Variants in AK5 observed in about 807,000 individuals in gnomAD.
AK5 encodes the protein adenylate kinase isoenzyme 5.
AK5 carries 27 observed loss-of-function variants against 69.5 expected under a neutral mutation model. That is an observed-to-expected ratio of 0.39 (90% CI 0.29 to 0.54). The LOEUF is 0.54. Among genes scored for constraint, AK5 ranks in the 20% least tolerant of loss-of-function variants. AK5 has a pLI of 0.71. For synonymous variants in AK5, 260 were observed against 244.4 expected, an observed-to-expected ratio of 1.06 and a Z score of -0.60; for missense variants, 531 against 700.4, an observed-to-expected ratio of 0.76 and a Z score of 2.73.
intron 1 of AK5, chr1:77,283,751 T>G (rs996328812): frequency 2.3e-5 from 11 of 480,678 alleles, no homozygotes; most frequent in African/African-American, 8.5e-5. Flanking sequence ...TTGTTTTTTT[T>G]GTTTGTTTTT....
At chr1:77,545,121 C>G (rs921558770) in intron 13 of AK5, among the ~76,000 whole-genome samples, 1 of 152,200 alleles carries the variant, frequency 6.6e-6, no homozygotes, top group Non-Finnish European at 1.5e-5. Flanking sequence ...TATATACCCA[C>G]ACGCCCGCAA....
Position 77,340,449 on chromosome 1 carries a change from G to A in AK5, c.772G>A (p.Ala258Thr), listed in dbSNP as rs984087285. The A allele has an allele frequency of 6.2e-7, 1 of 1,614,100 alleles. No individual in the cohort carries two copies. The highest frequency in any genetic ancestry group is 8.5e-7 in the Non-Finnish European group (1 of 1,179,976). ...QRLKERLLKR[A>T]EQQGRPDDNV... ...ACTCAAAGAAAGATTACTGAAGCGT[G>A]CAGAACAGCAGGGCCGACCAGACGA... Residue 258 changes from alanine to threonine, a missense_variant, in exon 6 of 14, where the codon GCA becomes ACA. Transcript: ENST00000354567.
chr1:77,463,085 A>G (rs1304999295), intron 8 of AK5, among the ~76,000 whole-genome samples: 1 of 152,252 alleles, frequency 6.6e-6, no homozygotes, highest in East Asian at 1.9e-4. Context: ...TTAATGAACC[A>G]TTACAAATAA....
chr1:77,397,137 C>A (rs1047494563), intron 6 of AK5, among the ~76,000 whole-genome samples: 1 of 152,176 alleles, frequency 6.6e-6, no homozygotes, highest in Non-Finnish European at 1.5e-5. Flanking sequence ...GGCAGAGGCA[C>A]CCTCATCTTC....
chr1:77,402,385 G>A (rs184636817), intron 6 of AK5, among the ~76,000 whole-genome samples: 3,386 of 151,688 alleles, frequency 0.022, 120 homozygotes, highest in African/African-American at 0.077. Context: ...ATGCTGGTGC[G>A]CTGCACCCAT....
At chr1:77,495,560 T>C (rs1045290444) in intron 10 of AK5, among the ~76,000 whole-genome samples, 16 of 152,172 alleles carry the variant, frequency 1.1e-4, no homozygotes, top group Non-Finnish European at 2.4e-4. Flanking sequence ...CCCTAAACCA[T>C]CACTGAAAGT....
At chr1:77,438,689 C>T (rs1264634051) in intron 8 of AK5, among the ~76,000 whole-genome samples, 14 of 152,074 alleles carry the variant, frequency 9.2e-5, no homozygotes, top group Non-Finnish European at 2.1e-4. Flanking sequence ...AGAGTGCTCA[C>T]AAAAATGTTA....
At chr1:77,283,211 C>G in intron 1 of AK5, 4 of 985,478 alleles carry the variant, frequency 4.1e-6, no homozygotes, top group Non-Finnish European at 4.8e-6. Context: ...ACCCCTGTCT[C>G]AGGTCGTTTG....
intron 12 of AK5, among the ~76,000 whole-genome samples, chr1:77,530,054 GTATTC>G (rs1186933285): frequency 1.1e-4 from 17 of 152,278 alleles, no homozygotes; most frequent in Middle Eastern, 3.4e-3. Context: ...GTTTATAAGT[GTATTC>G]TAATCTTCAG....
At chr1:77,360,417 T>C (rs917882189) in intron 6 of AK5, among the ~76,000 whole-genome samples, 5 of 152,114 alleles carry the variant, frequency 3.3e-5, no homozygotes, top group Admixed American at 1.3e-4. Flanking sequence ...TGGCAGGAAG[T>C]TTGTGAGTTT....
intron 12 of AK5, among the ~76,000 whole-genome samples, chr1:77,526,614 T>G (rs941379299): frequency 6.6e-6 from 1 of 151,596 alleles, no homozygotes; most frequent in Non-Finnish European, 1.5e-5. Context: ...TAGCTGGGAC[T>G]ACAGGCGCCC....
At chr1:77,321,969 G>A (rs1043959179) in intron 5 of AK5, among the ~76,000 whole-genome samples, 2 of 152,084 alleles carry the variant, frequency 1.3e-5, no homozygotes, top group Admixed American at 6.6e-5. Flanking sequence ...CTAATCAATT[G>A]TATTTCTATA....
intron 12 of AK5, chr1:77,532,203 A>C (rs1048115589): frequency 6.5e-6 from 1 of 154,998 alleles, no homozygotes; most frequent in Non-Finnish European, 1.4e-5. Flanking sequence ...GGGCTCCTCA[A>C]GCGCGGCCAG....
intron 6 of AK5, among the ~76,000 whole-genome samples, chr1:77,385,709 A>G (rs2100513511): frequency 6.6e-6 from 1 of 152,324 alleles, no homozygotes; most frequent in African/African-American, 2.4e-5. Flanking sequence ...GCGAGAAAAC[A>G]TTAGCAGCAG....
chr1:77,499,518 A>G (rs997473091), intron 10 of AK5, among the ~76,000 whole-genome samples: 1 of 152,052 alleles, frequency 6.6e-6, no homozygotes, highest in African/African-American at 2.4e-5. Flanking sequence ...CATTGAACCT[A>G]TTTGGGCCAG....
chr1:77,398,394 A>C (rs1442692996), intron 6 of AK5, among the ~76,000 whole-genome samples: 3 of 152,162 alleles, frequency 2.0e-5, no homozygotes, highest in Non-Finnish European at 4.4e-5. Context: ...CATGAGGCTG[A>C]AATTTGACTT....
chr1:77,310,481 G>T (rs2799551), intron 5 of AK5, among the ~76,000 whole-genome samples: 134,088 of 151,658 alleles, frequency 0.88, 59,693 homozygotes, highest in Middle Eastern at 0.97. Context: ...CCGGGTTCAC[G>T]CCACTCTCCC....
chr1:77,441,839 A>G (rs1002346987), intron 8 of AK5, among the ~76,000 whole-genome samples: 2 of 151,868 alleles, frequency 1.3e-5, no homozygotes, highest in Non-Finnish European at 2.9e-5. Context: ...TCTCAAACCT[A>G]TTGTGACACT....
At chr1:77,294,932 G>T (rs530027609) in intron 3 of AK5, among the ~76,000 whole-genome samples, 7 of 152,204 alleles carry the variant, frequency 4.6e-5, no homozygotes, top group South Asian at 4.2e-4. Context: ...GGGAGGCTGA[G>T]GTGGGAAGAT....
Sources: allele counts gnomAD v4.1 joint callset (sites outside exome capture counted in the v4.1 genomes callset), GRCh38; gene constraint gnomAD v4.1.1; transcripts MANE v1.5; gene names NCBI Gene and HGNC (gene_info 2026-07-23, HGNC 2026-07-21).